PRPF8: variants seen among roughly 807,000 people sequenced by gnomAD.
PRPF8 encodes pre-mRNA processing factor 8, also known as pre-mRNA-processing-splicing factor 8.
In PRPF8, 64 loss-of-function variants were observed where a neutral mutation model predicts 285.9. The observed-to-expected ratio is 0.22, with a 90% CI of 0.18 to 0.28. The LOEUF is 0.28. Ranked by LOEUF, PRPF8 falls within the 10% of genes least tolerant of loss-of-function variation. PRPF8 has a pLI of 1.00. For synonymous variants in PRPF8, 1,325 were observed against 1,118.2 expected, an observed-to-expected ratio of 1.18 and a Z score of -3.69; for missense variants, 1,426 against 3,026.7, an observed-to-expected ratio of 0.47 and a Z score of 12.41.
chr17:1,659,957 T>C lies in PRPF8; in HGVS notation c.4830A>G (p.Gln1610=), dbSNP rs758999123. The change falls in exon 31 of 43, where the codon CAA becomes CAG. Residue 1610 remains glutamine (Q), a synonymous_variant. Coordinates refer to ENST00000304992, the MANE Select transcript of PRPF8 (RefSeq NM_006445.4). This position sits in a 1 kb window ranked among gnomAD's most constrained non-coding sequence, Gnocchi z 5.1. ...ELDALEIETV[Q]KETIHPRKSY... The stretch of plus-strand genomic sequence containing the variant: ...ACTTTCGGGGATGGATTGTCTCCTT[T>C]TGTACTGTCTCAATTTCCAGTGCAT... The C allele has an allele frequency of 5.0e-6, 8 of 1,614,154 alleles. No homozygotes were observed. The highest frequency in any genetic ancestry group is 6.8e-6 in the Non-Finnish European group (8 of 1,179,984).
In PRPF8 at chr17:1,661,530, T is replaced by C; in HGVS notation, c.4202+81A>G. On this transcript the variant is annotated intron_variant, in intron 26 of 42. Coordinates refer to ENST00000304992, the MANE Select transcript of PRPF8 (RefSeq NM_006445.4). The surrounding 1 kb of genome is among the most constrained non-coding windows in gnomAD (Gnocchi z 7.3). ...TTCTCACCTCCATACAACCATGGCA[T>C]GCTCTGACCCTGAACTCCACACGGT... 1.2e-6 allele frequency: 2 copies of C among 1,609,524 alleles called. No individual in the cohort carries two copies. The highest frequency in any genetic ancestry group is 2.2e-5 in the South Asian group (2 of 90,950).
At chr17:1,652,933 T>A (rs1019335336) in intron 39 of PRPF8, 7 of 167,030 alleles carry the variant, frequency 4.2e-5, no homozygotes, top group African/African-American at 1.7e-4. Flanking sequence ...CAGCCACGTT[T>A]TTTTTGGTTT....
chr17:1,658,003 C>T lies in PRPF8; in HGVS notation c.5505+250G>A, dbSNP rs536447872. ...AAAAAAAAAAAAAGAGTATGCGTTG[C>T]CTTTGGAAAAATGATTTTTGATAGC... On this transcript the variant is annotated intron_variant, in intron 34 of 42. Transcript: ENST00000304992. This position sits in a 1 kb window ranked among gnomAD's most constrained non-coding sequence, Gnocchi z 4.1. Among the ~76,000 whole-genome samples, 1 of 150,650 alleles carries T rather than the reference C, an allele frequency of 6.6e-6. No individual in the cohort carries two copies. Among genetic ancestry groups the T allele is most frequent in the Admixed American group, 6.6e-5 (1 of 15,118 alleles).
At position 1,675,249 on chromosome 17, in the gene PRPF8, A is replaced by G. The variant is rs1335618880; in HGVS notation, c.2963T>C (p.Ile988Thr). The change falls in exon 20 of 43, where the codon ATC becomes ACC. Residue 988 changes from isoleucine (I) to threonine (T), a missense_variant. By Grantham distance (89) the Ile-to-Thr change is moderately conservative. Transcript: ENST00000304992. The surrounding 1 kb of genome is among the most constrained non-coding windows in gnomAD (Gnocchi z 6.0). ...CAGCCTGTTGAGCAGAGTCAAGTCG[A>G]TCTTCTCATACATCTTCTCAAAGCG... ...ESRFEKMYEK[I>T]DLTLLNRLLR... The G allele has an allele frequency of 2.5e-6, 4 of 1,614,028 alleles. No homozygotes were observed.
At chr17:1,669,312 G>C (rs376818102) in intron 24 of PRPF8, among the ~76,000 whole-genome samples, 2 of 152,050 alleles carry the variant, frequency 1.3e-5, no homozygotes, top group Non-Finnish European at 2.9e-5. Flanking sequence ...TCACCATGTT[G>C]GCCAGGCTGG....
At chr17:1,664,437 G>A (rs537860785) in intron 24 of PRPF8, among the ~76,000 whole-genome samples, 5 of 152,168 alleles carry the variant, frequency 3.3e-5, no homozygotes, top group Middle Eastern at 3.4e-3. Context: ...CCTAACAATA[G>A]CAGAATACAG....
chr17:1,684,666 G>T (rs553239637), intron 1 of PRPF8, 84 bp from the exon 2 acceptor site: 2 of 1,274,950 alleles, frequency 1.6e-6, no homozygotes, highest in Non-Finnish European at 2.2e-6. Context: ...CGGGGACCCC[G>T]GCCTGCAGTC....
chr17:1,683,454 G>T, intron 3 of PRPF8, 79 bp downstream of exon 3: 1 of 1,482,830 alleles, frequency 6.7e-7, no homozygotes, highest in Non-Finnish European at 9.4e-7. Context: ...AGCTGTCAAA[G>T]CATCAATCCA....
intron 30 of PRPF8, 70 bp from the exon 31 acceptor site, chr17:1,660,071 G>C (rs776152052): frequency 5.8e-4 from 893 of 1,534,012 alleles, no homozygotes; most frequent in Non-Finnish European, 7.4e-4. Context: ...TGTACAATAA[G>C]ATAATGAGGC....
chr17:1,654,455 A>G (rs1597226750), intron 37 of PRPF8: 1 of 317,516 alleles, frequency 3.1e-6, no homozygotes, highest in East Asian at 7.8e-5. Context: ...TCGGATACTT[A>G]GGGTCTCGGA....
In PRPF8 at chr17:1,682,273, T is replaced by C; in HGVS notation, c.290A>G (p.His97Arg). 2 of 1,614,184 alleles carry C rather than the reference T, an allele frequency of 1.2e-6. No individual in the cohort carries two copies. The highest frequency in any genetic ancestry group is 1.7e-6 in the Non-Finnish European group (2 of 1,180,040). Residue 97 changes from histidine (H) to arginine (R), a missense_variant, in exon 4 of 43, where the codon CAC (histidine) becomes CGC (arginine). His to Arg is a conservative substitution (Grantham distance 29). Coordinates refer to ENST00000304992, the MANE Select transcript of PRPF8 (RefSeq NM_006445.4). Reference protein sequence around the residue: ...VYLGALKYMPHAVLKLLENMP... With the variant: ...VYLGALKYMPRAVLKLLENMP... ...GTTCTCCAGGAGTTTGAGGACTGCG[T>C]GGGGCATGTACTTTAGGGCACTGGC...
intron 24 of PRPF8, among the ~76,000 whole-genome samples, chr17:1,664,862 A>C (rs931098345): frequency 6.6e-6 from 1 of 152,116 alleles, no homozygotes; most frequent in African/African-American, 2.4e-5. Context: ...AACATATTAA[A>C]ATGTGAGGAA....
rs1005509350 is a variant in PRPF8 at position 1,677,263 on chromosome 17, A to G, written c.1985-91T>C. On this transcript the variant is annotated intron_variant, in intron 14 of 42. Coordinates refer to ENST00000304992, the MANE Select transcript of PRPF8 (RefSeq NM_006445.4). ...TTCATGCTCCTCACTCATTATGGTT[A>G]TTAATAAAATTAGGTATTAACAAAG... 2.3e-6 allele frequency: 3 copies of G among 1,287,388 alleles called. No individual in the cohort carries two copies. The African/African-American group carries it at 4.4e-5, about 19-fold the overall frequency. The allele number at this position is 1,287,388 out of a possible 1,614,324, so 79.7% of individuals were successfully genotyped here.
chr17:1,675,985 G>C lies in PRPF8; in HGVS notation c.2622C>G (p.Pro874=). The change falls in exon 18 of 43, where the codon CCC becomes CCG. Residue 874 remains proline, a synonymous_variant. Transcript: ENST00000304992. The surrounding 1 kb of genome is among the most constrained non-coding windows in gnomAD (Gnocchi z 6.0). ...GCTTGATGCGGGACAGCGCCTCGTG[G>C]GGGTTATCGTAGGCCTGCTCGATCA... ...LGLIEQAYDN[P]HEALSRIKRH... is the part of the protein sequence containing the mutation. The C allele has an allele frequency of 3.1e-6, 5 of 1,614,004 alleles. No homozygotes were observed. Among genetic ancestry groups the C allele is most frequent in the Non-Finnish European group, 4.2e-6 (5 of 1,180,020 alleles).
chr17:1,667,481 T>C (rs1265947298), intron 24 of PRPF8, among the ~76,000 whole-genome samples: 5 of 151,236 alleles, frequency 3.3e-5, no homozygotes, highest in East Asian at 1.9e-4. Context: ...AATTTATATA[T>C]GTTATACCTC....
chr17:1,665,857 AAAAG>A (rs1164815827), intron 24 of PRPF8, among the ~76,000 whole-genome samples: 1 of 150,444 alleles, frequency 6.6e-6, no homozygotes, highest in Non-Finnish European at 1.5e-5. Context: ...AAAAAAAAAA[AAAAG>A]AAAAAGAGAA....
chr17:1,652,770 G>A (rs141217803), intron 39 of PRPF8: 3 of 137,610 alleles, frequency 2.2e-5, no homozygotes, highest in African/African-American at 8.2e-5. Flanking sequence ...GGCTGGTCTC[G>A]AACTCCTGGG....
chr17:1,661,204 T>C lies in PRPF8; in HGVS notation c.4339-42A>G, dbSNP rs1365055836. ...GCACGGTCAAGCTTCTGGGTGCCTA[T>C]TGCCCCAAGTTTCGGGGATAGCCAT... On this transcript the variant is annotated intron_variant, in intron 27 of 42. Coordinates refer to ENST00000304992, the MANE Select transcript of PRPF8 (RefSeq NM_006445.4). This position sits in a 1 kb window ranked among gnomAD's most constrained non-coding sequence, Gnocchi z 7.3. 20 of 1,614,006 alleles carry C rather than the reference T, an allele frequency of 1.2e-5. No individual in the cohort carries two copies. Among genetic ancestry groups the C allele is most frequent in the African/African-American group, 4.0e-5 (3 of 74,916 alleles).
At chr17:1,683,980 G>A (rs1188002824) in intron 2 of PRPF8, among the ~76,000 whole-genome samples, 1 of 150,906 alleles carries the variant, frequency 6.6e-6, no homozygotes, top group Non-Finnish European at 1.5e-5. Context: ...TCCGCCTCCT[G>A]GGTTCAAGCC....
Sources: gnomAD v4.1 joint callset for allele counts (sites outside exome capture counted in the v4.1 genomes callset) on GRCh38, gnomAD v4.1.1 for gene constraint, Gnocchi (gnomAD v3.1) non-coding constraint, MANE v1.5 for transcripts, NCBI Gene and HGNC (gene_info 2026-07-23, HGNC 2026-07-21) for gene names.